The following MYH15 variants were observed in gnomAD, a reference collection of about 807,000 sequenced individuals.
MYH15 encodes myosin heavy chain 15.
Under a neutral mutation model 240.5 loss-of-function variants are expected in MYH15, and 227 were observed. That is an observed-to-expected ratio of 0.94 (90% CI 0.85 to 1.05). The LOEUF is 1.05. MYH15 is among the 50% of genes least tolerant of loss of function. The probability of loss-of-function intolerance (pLI) is 0.00; values close to 1 mark genes in which losing one functional copy is unlikely to be tolerated. For missense variants in MYH15, 2,217 were observed against 2,247.5 expected (o/e 0.99, Z 0.27); for synonymous variants, 785 against 796.7 (o/e 0.99, Z 0.25).
chr3:108,395,874 T>G (rs574192094), intron 35 of MYH15, among the ~76,000 whole-genome samples: 3 of 152,190 alleles, frequency 2.0e-5, no homozygotes, highest in Admixed American at 2.0e-4. Context: ...GCAGCATGGT[T>G]TAGGTTGGGG....
At chr3:108,434,600 T>TAC (rs2082815615) in intron 25 of MYH15, among the ~76,000 whole-genome samples, 1 of 152,122 alleles carries the variant, frequency 6.6e-6, no homozygotes, top group African/African-American at 2.4e-5. Flanking sequence ...CTACACAGAG[T>TAC]ACTCCATTTA....
At chr3:108,470,674 T>C in intron 13 of MYH15, 24 bp downstream of exon 13, 1 of 1,610,018 alleles carries the variant, frequency 6.2e-7, no homozygotes, top group African/African-American at 1.3e-5. Context: ...ATGCATTGAC[T>C]TCCTTCTTAC....
chr3:108,528,926 G>C lies in MYH15; in HGVS notation c.-58+337C>G, dbSNP rs1169471701. 2.0e-5 allele frequency among the ~76,000 whole-genome samples: 3 copies of C among 152,164 alleles called. No individual in the cohort carries two copies. In the East Asian group the frequency reaches 5.8e-4, roughly 29 times the overall value. On this transcript the variant is annotated intron_variant, in intron 1 of 41. Coordinates refer to the MYH15 transcript ENST00000273353. ...GACACGTCATACTCCATCCCACTAA[G>C]TACAGAGAGGAAATTCAGTGGAAAA...
chr3:108,437,447 G>A, intron 25 of MYH15, 107 bp downstream of exon 25: 1 of 1,380,602 alleles, frequency 7.2e-7, no homozygotes, highest in Non-Finnish European at 9.7e-7. Flanking sequence ...CTTGCCTTGG[G>A]TCTTGAGCTA....
rs1466697667 is a variant in MYH15, at chr3:108,476,486, T to C, written c.1144A>G (p.Ile382Val). 6.2e-7 allele frequency: 1 copy of C among 1,613,078 alleles called. No homozygotes were observed. Among genetic ancestry groups the C allele is most frequent in the South Asian group, 1.1e-5 (1 of 91,016 alleles). ...CACTTTACCAACTCAGAGGAGTTAA[T>C]GCCCATGAGGAAAGCAGCTTTGTCA... ...NADKAAFLMGINSSELVKCLI... is the reference protein window; with the variant it reads ...NADKAAFLMGVNSSELVKCLI... The change falls in exon 12 of 41, where the codon ATT (isoleucine) becomes GTT (valine). Residue 382 changes from isoleucine (I) to valine (V), a missense_variant. Ile to Val is a conservative substitution (Grantham distance 29). Transcript: ENST00000693548.
At chr3:108,473,381 G>A (rs892420606) in intron 12 of MYH15, among the ~76,000 whole-genome samples, 3 of 152,128 alleles carry the variant, frequency 2.0e-5, no homozygotes, top group African/African-American at 7.2e-5. Flanking sequence ...TGTAGCTCAG[G>A]GTTGTTGTGA....
At position 108,488,677 on chromosome 3, in the gene MYH15, A is replaced by G. The variant is rs2083323722; in HGVS notation, c.872-2151T>C. ...TATATATACCACATTTTCTTTATCCAGTCATCCTTCATGGACACTTAGGTT... is the reference window on the plus strand; with the variant it reads ...TATATATACCACATTTTCTTTATCCGGTCATCCTTCATGGACACTTAGGTT... On this transcript the variant is annotated intron_variant, in intron 9 of 40. Coordinates refer to ENST00000693548, the MANE Select transcript of MYH15 (RefSeq NM_014981.3). Among the ~76,000 whole-genome samples, 3 of 152,166 alleles carry G rather than the reference A, an allele frequency of 2.0e-5. No individual in the cohort carries two copies. In the South Asian group the frequency reaches 6.2e-4, roughly 32 times the overall value.
At chr3:108,469,601 C>G (rs2083153466) in intron 14 of MYH15, among the ~76,000 whole-genome samples, 1 of 152,306 alleles carries the variant, frequency 6.6e-6, no homozygotes, top group South Asian at 2.1e-4. Context: ...AAGGTAGTGG[C>G]CTTGAGGATT....
intron 2 of MYH15, among the ~76,000 whole-genome samples, chr3:108,503,220 T>A (rs2083451451): frequency 6.6e-6 from 1 of 152,228 alleles, no homozygotes; most frequent in Non-Finnish European, 1.5e-5. Flanking sequence ...CTTTTCTTCC[T>A]ATGGTTGTAA....
At chr3:108,456,983 G>A in intron 18 of MYH15, 100 bp from the exon 19 acceptor site, 1 of 823,412 alleles carries the variant, frequency 1.2e-6, no homozygotes, top group Non-Finnish European at 2.0e-6. Flanking sequence ...AAGAAAGTCT[G>A]AATTGGATAG....
intron 33 of MYH15, among the ~76,000 whole-genome samples, chr3:108,401,115 A>C (rs1405115134): frequency 6.6e-6 from 1 of 152,138 alleles, no homozygotes; most frequent in East Asian, 1.9e-4. Flanking sequence ...TAGGGATCCC[A>C]CTAGGTAAAG....
intron 30 of MYH15, among the ~76,000 whole-genome samples, chr3:108,413,921 A>AT: frequency 1.3e-5 from 2 of 152,218 alleles, no homozygotes; most frequent in Middle Eastern, 6.8e-3. Flanking sequence ...ACGATAGCCT[A>AT]TTTTCACACC....
At position 108,417,785 on chromosome 3, in the gene MYH15, GTATA is replaced by G. The variant is rs368551528; in HGVS notation, c.3830-859_3830-856del. Among the ~76,000 whole-genome samples the G allele has an allele frequency of 6.0e-3, 870 of 145,296 alleles. 9 individuals are homozygous for G. The highest frequency in any genetic ancestry group is 0.019 in the African/African-American group (747 of 39,604). ...GATACACACACACACGTACAGGTAT[GTATA>G]TATATATACACACACACACACACAC... is the stretch of plus-strand genomic sequence containing the variant. On this transcript the variant is annotated intron_variant, in intron 28 of 40. Transcript: ENST00000693548.
At chr3:108,427,387 A>G (rs1231036844) in intron 27 of MYH15, among the ~76,000 whole-genome samples, 1 of 152,134 alleles carries the variant, frequency 6.6e-6, no homozygotes, top group African/African-American at 2.4e-5. Flanking sequence ...GGTACAAGGG[A>G]GCATCTGTCC....
At chr3:108,393,281 AC>A (rs1279445579) in intron 36 of MYH15, among the ~76,000 whole-genome samples, 2 of 152,130 alleles carry the variant, frequency 1.3e-5, no homozygotes, top group Non-Finnish European at 2.9e-5. Context: ...AGAGACAGAA[AC>A]CAACCCCAAG....
At chr3:108,385,583 G>T (rs530553235) in intron 38 of MYH15, among the ~76,000 whole-genome samples, 1 of 152,044 alleles carries the variant, frequency 6.6e-6, no homozygotes, top group Non-Finnish European at 1.5e-5. Context: ...CTTTCCTCAT[G>T]CCCCTTTAAC....
chr3:108,470,628 C>T lies in MYH15; in HGVS notation c.1383+70G>A, dbSNP rs1391263685. ...TCCCCATGCTTTGACCATATTTTCCCATCTTCAAGTAACGTTTTCTAATCT... is the reference window on the plus strand; with the variant it reads ...TCCCCATGCTTTGACCATATTTTCCTATCTTCAAGTAACGTTTTCTAATCT... On this transcript the variant is annotated intron_variant, in intron 13 of 40. Coordinates refer to ENST00000693548, the MANE Select transcript of MYH15 (RefSeq NM_014981.3). The T allele has an allele frequency of 5.0e-5, 77 of 1,534,096 alleles. No individual in the cohort carries two copies. The South Asian group carries it at 8.7e-4, about 17-fold the overall frequency.
At chr3:108,515,490 C>T (rs1369997271), upstream of MYH15, among the ~76,000 whole-genome samples, 1 of 152,188 alleles carries the variant, frequency 6.6e-6, no homozygotes, top group Admixed American at 6.5e-5. Context: ...TCCATAAGCG[C>T]TCTCAATGAC....
chr3:108,523,620 A>G (rs970316508), intron 1 of MYH15, among the ~76,000 whole-genome samples: 2 of 151,858 alleles, frequency 1.3e-5, no homozygotes, highest in African/African-American at 2.4e-5. Context: ...GCTACAGCCC[A>G]TATTAGATCT....
Sources: gnomAD v4.1 joint callset for allele counts (sites outside exome capture counted in the v4.1 genomes callset) on GRCh38, gnomAD v4.1.1 for gene constraint, MANE v1.5 for transcripts, NCBI Gene and HGNC (gene_info 2026-07-23, HGNC 2026-07-21) for gene names.